Variants in NKAIN2 observed in about 807,000 individuals in gnomAD.
NKAIN2 encodes sodium/potassium-transporting ATPase subunit beta-1-interacting protein 2.
Under a neutral mutation model 32.6 loss-of-function variants are expected in NKAIN2, and 14 were observed. The observed-to-expected ratio is 0.43, with a 90% CI of 0.28 to 0.67. The LOEUF (loss-of-function observed/expected upper bound fraction) is 0.67. NKAIN2 is among the 30% of genes least tolerant of loss of function. The pLI, the probability that NKAIN2 is intolerant of heterozygous loss-of-function variation, is 0.17. For missense variants in NKAIN2, 198 were observed against 258.3 expected (o/e 0.77, Z 1.60); for synonymous variants, 80 against 87.2 (o/e 0.92, Z 0.46).
chr6:124,261,298 T>A (rs1004574249), intron 1 of NKAIN2, among the ~76,000 whole-genome samples: 7 of 152,224 alleles, frequency 4.6e-5, no homozygotes, highest in Non-Finnish European at 1.0e-4. Context: ...GCAAGAAAAC[T>A]AAGCATGTTG....
At chr6:124,334,140 T>C (rs1203554111) in intron 2 of NKAIN2, among the ~76,000 whole-genome samples, 1 of 152,248 alleles carries the variant, frequency 6.6e-6, no homozygotes, top group Non-Finnish European at 1.5e-5. Flanking sequence ...AGTATTTCTC[T>C]GTAACACTGA....
chr6:124,064,259 G>C (rs1039118641), intron 1 of NKAIN2, among the ~76,000 whole-genome samples: 1 of 151,978 alleles, frequency 6.6e-6, no homozygotes, highest in Non-Finnish European at 1.5e-5. Context: ...TATGATTACA[G>C]ATTATTCACA....
chr6:124,557,529 GT>G (rs567780911), intron 3 of NKAIN2, among the ~76,000 whole-genome samples: 3 of 152,120 alleles, frequency 2.0e-5, no homozygotes, highest in Admixed American at 1.3e-4. Flanking sequence ...CTGTAACTGA[GT>G]TTTTTTTAAC....
intron 4 of NKAIN2, among the ~76,000 whole-genome samples, chr6:124,729,508 AC>A (rs1392164775): frequency 9.9e-5 from 15 of 151,160 alleles, no homozygotes; most frequent in African/African-American, 2.9e-4. Flanking sequence ...AAATTCAACA[AC>A]CCTTCATGCT....
At chr6:124,118,008 G>T (rs943298051) in intron 1 of NKAIN2, among the ~76,000 whole-genome samples, 12 of 151,938 alleles carry the variant, frequency 7.9e-5, no homozygotes, top group African/African-American at 2.9e-4. Flanking sequence ...CCTGTAGATA[G>T]CTGCAGATTT....
intron 1 of NKAIN2, among the ~76,000 whole-genome samples, chr6:123,877,667 C>G (rs1425710482): frequency 2.0e-5 from 3 of 152,156 alleles, no homozygotes; most frequent in Admixed American, 2.0e-4. Context: ...TCTGCCTCCT[C>G]CTGTTCCTGC....
At chr6:124,117,290 A>G (rs142253847) in intron 1 of NKAIN2, among the ~76,000 whole-genome samples, 12 of 152,312 alleles carry the variant, frequency 7.9e-5, no homozygotes, top group Admixed American at 1.3e-4. Context: ...CCAATTACCT[A>G]TATCTAAGCA....
chr6:124,786,312 T>C (rs2114796791), intron 4 of NKAIN2, among the ~76,000 whole-genome samples: 1 of 151,966 alleles, frequency 6.6e-6, no homozygotes, highest in South Asian at 2.1e-4. Flanking sequence ...ATGTTCAGAG[T>C]TTTTAGTTAT....
intron 1 of NKAIN2, among the ~76,000 whole-genome samples, chr6:124,235,427 T>A (rs1290396568): frequency 6.6e-6 from 1 of 152,046 alleles, no homozygotes; most frequent in Non-Finnish European, 1.5e-5. Flanking sequence ...TTTTGTAAAG[T>A]TTAGATTTTG....
At chr6:124,042,981 G>A (rs1217255976) in intron 1 of NKAIN2, among the ~76,000 whole-genome samples, 1 of 152,068 alleles carries the variant, frequency 6.6e-6, no homozygotes, top group East Asian at 1.9e-4. Flanking sequence ...TTTAATATGT[G>A]TAATAATTTG....
chr6:123,804,095 C>T lies in NKAIN2; in HGVS notation c.-106C>T. The T allele has an allele frequency of 7.9e-6, 8 of 1,008,210 alleles. No individual in the cohort carries two copies. In the South Asian group the frequency reaches 1.0e-4, roughly 13 times the overall value. 62.5% of individuals were successfully genotyped at this position (1,008,210 alleles called of 1,614,324 possible). ...GCAGCAGCAGCCCGGAGCCCCCGAG[C>T]CCTCGGCAGGTTTGCGTGTCCTTCC... On this transcript the variant is annotated 5_prime_UTR_variant, in exon 1 of 7. Transcript: ENST00000368417.
In NKAIN2 at chr6:123,885,025, G is replaced by A. The variant is rs530572034; in HGVS notation, c.54+80771G>A. 2.0e-5 allele frequency among the ~76,000 whole-genome samples: 3 copies of A among 152,168 alleles called. No individual in the cohort carries two copies. In the South Asian group the frequency reaches 6.2e-4, roughly 32 times the overall value. On this transcript the variant is annotated intron_variant, in intron 1 of 6. Transcript: ENST00000368417. ...CAGTTTTAACCTATTAAATTCACAA[G>A]GTTTGGTCCAGTTTTAAGAGACAGA...
intron 4 of NKAIN2, among the ~76,000 whole-genome samples, chr6:124,735,897 T>C (rs1202581055): frequency 6.6e-6 from 1 of 151,884 alleles, no homozygotes; most frequent in East Asian, 1.9e-4. Context: ...ATATTGAAAT[T>C]AGGCCAATTA....
intron 1 of NKAIN2, among the ~76,000 whole-genome samples, chr6:123,978,235 AAAAGT>A (rs1469007377): frequency 6.6e-6 from 1 of 152,180 alleles, no homozygotes; most frequent in Non-Finnish European, 1.5e-5. Flanking sequence ...TTCAGATAAA[AAAAGT>A]GAGACGTCTC....
chr6:123,993,342 C>A (rs1779490392), intron 1 of NKAIN2, among the ~76,000 whole-genome samples: 1 of 152,098 alleles, frequency 6.6e-6, no homozygotes, highest in South Asian at 2.1e-4. Context: ...ATCAGCTTTT[C>A]ATTTCAGCAG....
At chr6:124,746,201 C>G (rs1341978112) in intron 4 of NKAIN2, among the ~76,000 whole-genome samples, 1 of 151,794 alleles carries the variant, frequency 6.6e-6, no homozygotes, top group Non-Finnish European at 1.5e-5. Context: ...ATGGTAAGAG[C>G]TGAACTTCAT....
intron 1 of NKAIN2, among the ~76,000 whole-genome samples, chr6:123,999,805 A>G (rs548244008): frequency 1.3e-5 from 2 of 152,198 alleles, no homozygotes; most frequent in African/African-American, 4.8e-5. Context: ...CATTAGAGAG[A>G]GAAATGTCAG....
At chr6:124,325,435 CTT>C in intron 2 of NKAIN2, among the ~76,000 whole-genome samples, 1 of 151,998 alleles carries the variant, frequency 6.6e-6, no homozygotes, top group African/African-American at 2.4e-5. Context: ...CACAGAAAGT[CTT>C]ATATATGAAT....
At chr6:124,280,669 G>A (rs1248329207) in intron 1 of NKAIN2, among the ~76,000 whole-genome samples, 5 of 152,050 alleles carry the variant, frequency 3.3e-5, no homozygotes, top group African/African-American at 1.2e-4. Flanking sequence ...CTCCATCCCT[G>A]CACTCCCAGG....
Sources: allele counts gnomAD v4.1 joint callset (sites outside exome capture counted in the v4.1 genomes callset), GRCh38; gene constraint gnomAD v4.1.1; transcripts MANE v1.5; gene names NCBI Gene and HGNC (gene_info 2026-07-23, HGNC 2026-07-21).